The following HPSE2 variants were observed in gnomAD, a reference collection of about 807,000 sequenced individuals.
HPSE2 encodes heparanase 2 (inactive).
Under a neutral mutation model 60.5 loss-of-function variants are expected in HPSE2, and 38 were observed. The ratio of observed to expected loss-of-function variants is 0.63; its 90% confidence interval spans 0.48 to 0.82. The LOEUF (loss-of-function observed/expected upper bound fraction) is 0.82. Ranked by LOEUF, HPSE2 falls within the 40% of genes least tolerant of loss-of-function variation. The probability of loss-of-function intolerance (pLI) is 0.00; values close to 1 mark genes in which losing one functional copy is unlikely to be tolerated. For synonymous variants in HPSE2, 295 were observed against 293.2 expected, an observed-to-expected ratio of 1.01 and a Z score of -0.06; for missense variants, 713 against 740.4, an observed-to-expected ratio of 0.96 and a Z score of 0.43.
intron 9 of HPSE2, among the ~76,000 whole-genome samples, chr10:98,526,009 G>T (rs1038774330): frequency 2.0e-5 from 3 of 152,116 alleles, no homozygotes; most frequent in Admixed American, 2.0e-4. Flanking sequence ...ATTTCCCAAC[G>T]TTACATATAC....
intron 6 of HPSE2, among the ~76,000 whole-genome samples, chr10:98,692,543 T>C (rs1419590586): frequency 6.6e-6 from 1 of 151,862 alleles, no homozygotes; most frequent in African/African-American, 2.4e-5. Context: ...CCGAGGTGGG[T>C]GGATCACGAG....
intron 3 of HPSE2, among the ~76,000 whole-genome samples, chr10:99,070,246 T>C (rs925907550): frequency 2.6e-5 from 4 of 152,166 alleles, no homozygotes; most frequent in African/African-American, 9.7e-5. Flanking sequence ...ATCTACAATA[T>C]GAAGAACTCT....
chr10:98,752,182 A>G (rs933789413), intron 3 of HPSE2, among the ~76,000 whole-genome samples: 3 of 152,188 alleles, frequency 2.0e-5, no homozygotes, highest in African/African-American at 7.2e-5. Flanking sequence ...AATAAACACT[A>G]TTATGAAAAG....
chr10:99,234,987 T>A (rs1849790530), intron 1 of HPSE2, among the ~76,000 whole-genome samples: 1 of 152,110 alleles, frequency 6.6e-6, no homozygotes, highest in Non-Finnish European at 1.5e-5. Context: ...AGCCTCTGCT[T>A]AAATTCGTTT....
chr10:98,986,058 C>T (rs1198090324), intron 3 of HPSE2, among the ~76,000 whole-genome samples: 1 of 152,206 alleles, frequency 6.6e-6, no homozygotes, highest in Non-Finnish European at 1.5e-5. Context: ...CTTTAACACC[C>T]CACTGTCGAC....
At chr10:98,598,884 G>A (rs12255128) in intron 9 of HPSE2, among the ~76,000 whole-genome samples, 10,151 of 151,940 alleles carry the variant, frequency 0.067, 820 homozygotes, top group African/African-American at 0.19. Flanking sequence ...CTAGGGCTAC[G>A]GGGACTGGCC....
intron 7 of HPSE2, among the ~76,000 whole-genome samples, chr10:98,634,960 C>A (rs1946458765): frequency 6.6e-6 from 1 of 152,150 alleles, no homozygotes; most frequent in South Asian, 2.1e-4. Flanking sequence ...CTTTCCCTCA[C>A]AAACTAAGGT....
chr10:99,147,919 T>C (rs1179755266), intron 2 of HPSE2, among the ~76,000 whole-genome samples: 1 of 152,150 alleles, frequency 6.6e-6, no homozygotes, highest in Non-Finnish European at 1.5e-5. Flanking sequence ...GGTAAAGACA[T>C]GAACACAAAT....
chr10:98,986,682 C>CA (rs369415144), intron 3 of HPSE2, among the ~76,000 whole-genome samples: 58,300 of 135,026 alleles, frequency 0.43, 13,884 homozygotes, highest in East Asian at 0.58. Flanking sequence ...AAAAACCCTT[C>CA]AAAAAATTAA....
At chr10:98,949,611 C>T (rs1161169679) in intron 3 of HPSE2, among the ~76,000 whole-genome samples, 1 of 152,148 alleles carries the variant, frequency 6.6e-6, no homozygotes, top group African/African-American at 2.4e-5. Flanking sequence ...GCACCCCTTT[C>T]TGAAGTTACC....
chr10:98,702,783 A>G (rs956049054), intron 5 of HPSE2, among the ~76,000 whole-genome samples: 1 of 151,742 alleles, frequency 6.6e-6, no homozygotes, highest in African/African-American at 2.4e-5. Flanking sequence ...GGACACAGCT[A>G]GAGCAGAGGG....
chr10:99,315,299 T>C, the HPSE2 span, among the ~76,000 whole-genome samples: 1 of 152,218 alleles, frequency 6.6e-6, no homozygotes, highest in Non-Finnish European at 1.5e-5. Context: ...GTGATTTCTA[T>C]TGGTGACAGT....
intron 6 of HPSE2, among the ~76,000 whole-genome samples, chr10:98,642,632 G>C (rs1302356227): frequency 6.6e-6 from 1 of 152,188 alleles, no homozygotes; most frequent in Non-Finnish European, 1.5e-5. Context: ...GAAATATTAA[G>C]TTGTTGACAC....
chr10:98,737,074 C>G (rs1949377157), intron 4 of HPSE2, among the ~76,000 whole-genome samples: 1 of 151,854 alleles, frequency 6.6e-6, no homozygotes, highest in Non-Finnish European at 1.5e-5. Context: ...TTTTCTTCCT[C>G]CTCCTCTTTT....
intron 11 of HPSE2, among the ~76,000 whole-genome samples, chr10:98,478,561 G>A (rs539736265): frequency 1.3e-4 from 20 of 152,254 alleles, no homozygotes; most frequent in East Asian, 3.9e-4. Flanking sequence ...TCCTGACCTC[G>A]GTCAGACCAG....
chr10:98,971,915 C>A (rs963808391), intron 3 of HPSE2, among the ~76,000 whole-genome samples: 2 of 152,052 alleles, frequency 1.3e-5, no homozygotes, highest in Non-Finnish European at 2.9e-5. Flanking sequence ...GTTCCTATAC[C>A]CCCTACTCTT....
At chr10:98,856,718 G>A (rs974213361) in intron 3 of HPSE2, among the ~76,000 whole-genome samples, 3 of 152,090 alleles carry the variant, frequency 2.0e-5, no homozygotes, top group African/African-American at 7.2e-5. Flanking sequence ...TGGTAAATGT[G>A]ATGTACGTTT....
At chr10:99,227,134 G>C (rs1237658956) in intron 2 of HPSE2, among the ~76,000 whole-genome samples, 1 of 152,026 alleles carries the variant, frequency 6.6e-6, no homozygotes, top group Non-Finnish European at 1.5e-5. Flanking sequence ...AAAAGAAAAA[G>C]AATTAATTAC....
intron 3 of HPSE2, among the ~76,000 whole-genome samples, chr10:99,032,279 C>T (rs930651848): frequency 1.3e-5 from 2 of 152,100 alleles, no homozygotes; most frequent in African/African-American, 4.8e-5. Context: ...ATGATGTCCC[C>T]TCTGTTCACC....
Sources: allele counts gnomAD v4.1 joint callset (sites outside exome capture counted in the v4.1 genomes callset), GRCh38; gene constraint gnomAD v4.1.1; transcripts MANE v1.5; gene names NCBI Gene and HGNC (gene_info 2026-07-23, HGNC 2026-07-21).